The following MMP16 variants were observed in gnomAD, a reference collection of about 807,000 sequenced individuals.
MMP16 encodes the protein matrix metalloproteinase-16.
In MMP16, 12 loss-of-function variants were observed where a neutral mutation model predicts 67.8. That is an observed-to-expected ratio of 0.18 (90% CI 0.11 to 0.29). MMP16 has a LOEUF of 0.29. Among genes scored for constraint, MMP16 ranks in the 10% least tolerant of loss-of-function variants. The pLI is 1.00. For synonymous variants in MMP16, 249 were observed against 255.9 expected, an observed-to-expected ratio of 0.97 and a Z score of 0.26; for missense variants, 475 against 765.7, an observed-to-expected ratio of 0.62 and a Z score of 4.48.
chr8:88,062,815 T>A (rs897356784), intron 7 of MMP16, among the ~76,000 whole-genome samples: 1 of 152,034 alleles, frequency 6.6e-6, no homozygotes, highest in Non-Finnish European at 1.5e-5. Flanking sequence ...ATAAAAAAAA[T>A]TAAAAAAGAA....
chr8:88,292,144 C>T (rs1235804057), intron 1 of MMP16, among the ~76,000 whole-genome samples: 1 of 152,144 alleles, frequency 6.6e-6, no homozygotes. Context: ...AAGAACTATT[C>T]TAGAAGAATT....
intron 4 of MMP16, among the ~76,000 whole-genome samples, chr8:88,144,608 T>C (rs1357933910): frequency 1.3e-5 from 2 of 151,820 alleles, no homozygotes; most frequent in Non-Finnish European, 2.9e-5. Context: ...TATGGGAAAA[T>C]AATAAAGTTC....
chr8:88,041,522 T>C lies in MMP16; in HGVS notation c.1763A>G (p.Lys588Arg). ...LVLVYTVFQF[K>R]RKGTPRHILY... ...TATGTGGCGGGGTGTTCCTTTCCTC[T>C]TGAACTGGAACACAGTGTAAACCAA... Residue 588 changes from lysine to arginine, a missense_variant, in exon 10 of 10, where the codon AAG becomes AGG. Lys to Arg is a conservative substitution (Grantham distance 26). This residue lies in a region of MMP16 where 80 missense variants were observed against 93.4 expected (regional missense o/e 0.86). Transcript: ENST00000286614. This position sits in a 1 kb window ranked among gnomAD's most constrained non-coding sequence, Gnocchi z 6.0. 1.2e-6 allele frequency: 2 copies of C among 1,614,104 alleles called. No homozygotes were observed. The highest frequency in any genetic ancestry group is 1.7e-6 in the Non-Finnish European group (2 of 1,179,972).
At chr8:88,216,570 C>T (rs1455934875) in intron 1 of MMP16, among the ~76,000 whole-genome samples, 2 of 152,140 alleles carry the variant, frequency 1.3e-5, no homozygotes, top group Admixed American at 6.5e-5. Context: ...ATGCTAGTTT[C>T]CTCTGTCTGG....
intron 8 of MMP16, among the ~76,000 whole-genome samples, chr8:88,051,449 C>G (rs1808269736): frequency 6.6e-6 from 1 of 152,152 alleles, no homozygotes; most frequent in Non-Finnish European, 1.5e-5. Context: ...GCTCTTTCTT[C>G]TGATTCATCA....
At chr8:88,057,601 C>T (rs1808347500) in intron 7 of MMP16, among the ~76,000 whole-genome samples, 1 of 152,024 alleles carries the variant, frequency 6.6e-6, no homozygotes, top group East Asian at 1.9e-4. Flanking sequence ...CTATGATAAA[C>T]CGTAGCTTTC....
chr8:88,076,014 A>G (rs1808644964), intron 6 of MMP16, among the ~76,000 whole-genome samples: 1 of 151,292 alleles, frequency 6.6e-6, no homozygotes, highest in African/African-American at 2.4e-5. Flanking sequence ...TTAATATGAT[A>G]ACAATGAACT....
intron 1 of MMP16, among the ~76,000 whole-genome samples, chr8:88,309,002 A>T (rs1811254666): frequency 6.6e-6 from 1 of 152,046 alleles, no homozygotes; most frequent in Admixed American, 6.6e-5. Context: ...TATTTTACCC[A>T]GCAGATTAGG....
At chr8:88,250,746 T>C (rs1452699621) in intron 1 of MMP16, among the ~76,000 whole-genome samples, 2 of 151,582 alleles carry the variant, frequency 1.3e-5, no homozygotes, top group African/African-American at 4.9e-5. Context: ...GGTGTAGTCT[T>C]CCTAATCCTC....
At chr8:88,105,858 AAAAAT>A (rs1393492062) in intron 6 of MMP16, among the ~76,000 whole-genome samples, 1 of 151,240 alleles carries the variant, frequency 6.6e-6, no homozygotes, top group African/African-American at 2.4e-5. Context: ...ATGTTCAGTG[AAAAAT>A]AAAACTGCAT....
chr8:88,046,815 A>T, intron 8 of MMP16, 31 bp from the exon 9 acceptor site: 1 of 1,332,826 alleles, frequency 7.5e-7, no homozygotes, highest in Non-Finnish European at 1.1e-6. Flanking sequence ...AACAACAAAC[A>T]CAATAACACA....
Position 88,038,459 on chromosome 8 carries a change from T to C in MMP16, c.*3002A>G, listed in dbSNP as rs1297175037. ...GATAGCCTTATGACGAATCAGGATA[T>C]TGTGATGAATGAGTAAAGAGGCAAC... On this transcript the variant is annotated 3_prime_UTR_variant, in exon 10 of 10. Transcript: ENST00000286614. This position sits in a 1 kb window ranked among gnomAD's most constrained non-coding sequence, Gnocchi z 4.1. The C allele has an allele frequency of 6.6e-6, 1 of 152,486 alleles. No individual in the cohort carries two copies. The highest frequency in any genetic ancestry group is 1.5e-5 in the Non-Finnish European group (1 of 67,954). The allele number at this position is 152,486 out of a possible 1,614,324, so 9.4% of individuals were successfully genotyped here. A position where few individuals can be genotyped will look rare whatever the true frequency, so the allele number is the denominator to read the frequency against.
chr8:88,146,242 T>G (rs568733427), intron 4 of MMP16, among the ~76,000 whole-genome samples: 1 of 152,154 alleles, frequency 6.6e-6, no homozygotes, highest in South Asian at 2.1e-4. Context: ...TTAGTAATTA[T>G]AATTAGATAC....
intron 1 of MMP16, among the ~76,000 whole-genome samples, chr8:88,223,307 T>C (rs527563690): frequency 6.6e-5 from 10 of 152,176 alleles, no homozygotes; most frequent in African/African-American, 2.4e-4. Flanking sequence ...GATCTAGAAC[T>C]AGAAATACCA....
intron 4 of MMP16, among the ~76,000 whole-genome samples, chr8:88,148,132 T>C (rs968204563): frequency 6.6e-6 from 1 of 152,238 alleles, no homozygotes; most frequent in Non-Finnish European, 1.5e-5. Flanking sequence ...TACATTTTAT[T>C]CTTACTATTG....
intron 4 of MMP16, among the ~76,000 whole-genome samples, chr8:88,131,120 C>T (rs28669152): frequency 0.19 from 28,909 of 151,470 alleles, 3,125 homozygotes; most frequent in Middle Eastern, 0.24. Flanking sequence ...TTAAGGTAGA[C>T]GTAATCACCC....
intron 1 of MMP16, among the ~76,000 whole-genome samples, chr8:88,247,409 C>T (rs969259000): frequency 6.6e-6 from 1 of 151,986 alleles, no homozygotes; most frequent in South Asian, 2.1e-4. Context: ...TGTGACGAGG[C>T]GCCCAGAGGG....
Position 88,303,188 on chromosome 8 carries a change from C to A in MMP16, c.132+23887G>T, listed in dbSNP as rs1607649. Among the ~76,000 whole-genome samples the A allele has an allele frequency of 5.3e-5, 8 of 152,234 alleles. No individual in the cohort carries two copies. In the East Asian group the frequency reaches 1.2e-3, roughly 22 times the overall value. On this transcript the variant is annotated intron_variant, in intron 1 of 9. Coordinates refer to ENST00000286614, the MANE Select transcript of MMP16 (RefSeq NM_005941.5). ...ATACAAAGCTACATACACCCGGGGG[C>A]GGGGCTGAATCCAGGGAGCCAGGCA...
intron 7 of MMP16, among the ~76,000 whole-genome samples, chr8:88,061,922 T>C (rs1808404692): frequency 6.6e-6 from 1 of 151,928 alleles, no homozygotes; most frequent in Admixed American, 6.6e-5. Flanking sequence ...AGGAAAAATG[T>C]ACTTATATTC....
Sources: allele counts gnomAD v4.1 joint callset (sites outside exome capture counted in the v4.1 genomes callset), GRCh38; gene constraint gnomAD v4.1.1; regional missense constraint gnomAD v4.1.1; non-coding constraint Gnocchi (gnomAD v3.1); transcripts MANE v1.5; gene names NCBI Gene and HGNC (gene_info 2026-07-23, HGNC 2026-07-21).